CTNNA2: variants seen among roughly 807,000 people sequenced by gnomAD.
CTNNA2 encodes the protein catenin alpha-2.
A neutral mutation model predicts 101.0 loss-of-function variants in CTNNA2; 42 were observed. The ratio of observed to expected loss-of-function variants is 0.42; its 90% confidence interval spans 0.32 to 0.54. The LOEUF is 0.54. Among genes scored for constraint, CTNNA2 ranks in the 20% least tolerant of loss-of-function variants. The probability of loss-of-function intolerance (pLI) is 0.14; values close to 1 mark genes in which losing one functional copy is unlikely to be tolerated. For missense variants in CTNNA2, 871 were observed against 1,223.1 expected (o/e 0.71, Z 4.29); for synonymous variants, 450 against 456.4 (o/e 0.99, Z 0.18).
intron 9 of CTNNA2, among the ~76,000 whole-genome samples, chr2:80,510,722 T>C (rs1294546193): frequency 6.6e-6 from 1 of 152,236 alleles, no homozygotes; most frequent in Non-Finnish European, 1.5e-5. Flanking sequence ...TGAAAAGGTA[T>C]AACTTTTAGG....
At position 79,351,827 on chromosome 2, in the gene CTNNA2, G is replaced by A. The variant is rs143148062; in HGVS notation, c.-317-22004G>A. Among the ~76,000 whole-genome samples, 239 of 152,082 alleles carry A rather than the reference G, an allele frequency of 1.6e-3. 1 individual carries two copies. Among genetic ancestry groups the A allele is most frequent in the African/African-American group, 5.3e-3 (221 of 41,506 alleles). ...TATATGTACCACATTTTCTTTATCCGATCCACCATTGATGAACATCGTATT... is the reference window on the plus strand; with the variant it reads ...TATATGTACCACATTTTCTTTATCCAATCCACCATTGATGAACATCGTATT... On this transcript the variant is annotated intron_variant, in intron 3 of 21. Transcript: ENST00000466387.
At chr2:80,107,916 T>C (rs1319463) in intron 7 of CTNNA2, among the ~76,000 whole-genome samples, 66,154 of 151,916 alleles carry the variant, frequency 0.44, 15,039 homozygotes, top group South Asian at 0.62. Flanking sequence ...CCACAAGAGG[T>C]TGAGTGGGGC....
At chr2:80,488,301 G>A (rs1187960698) in intron 9 of CTNNA2, among the ~76,000 whole-genome samples, 1 of 151,902 alleles carries the variant, frequency 6.6e-6, no homozygotes, top group Non-Finnish European at 1.5e-5. Context: ...TTTTTTGTTT[G>A]GTTATATTTA....
chr2:79,804,391 G>A (rs1017220920), intron 3 of CTNNA2, among the ~76,000 whole-genome samples: 1 of 152,034 alleles, frequency 6.6e-6, no homozygotes, highest in East Asian at 1.9e-4. Flanking sequence ...TATTATGTTT[G>A]CACCCTGGCT....
chr2:79,966,251 TG>T (rs1477411033), intron 7 of CTNNA2, among the ~76,000 whole-genome samples: 1 of 152,102 alleles, frequency 6.6e-6, no homozygotes. Context: ...GAATCTTTTT[TG>T]GGGGACAGGG....
At chr2:79,265,692 A>T (rs1674978401) in intron 2 of CTNNA2, among the ~76,000 whole-genome samples, 1 of 152,144 alleles carries the variant, frequency 6.6e-6, no homozygotes, top group African/African-American at 2.4e-5. Context: ...ATATGACCCC[A>T]TAGGCAGAGG....
intron 7 of CTNNA2, among the ~76,000 whole-genome samples, chr2:80,335,664 C>G (rs11688360): frequency 0.075 from 11,443 of 152,184 alleles, 434 homozygotes; most frequent in Non-Finnish European, 0.089. Flanking sequence ...GGAGAGATGA[C>G]ACAATCAGAA....
At chr2:79,885,205 C>A (rs780411717) in intron 6 of CTNNA2, among the ~76,000 whole-genome samples, 2 of 151,778 alleles carry the variant, frequency 1.3e-5, no homozygotes, top group African/African-American at 2.4e-5. Flanking sequence ...GAGAACGAAA[C>A]GCTGTATAGG....
At chr2:80,224,487 C>T (rs1214049375) in intron 7 of CTNNA2, among the ~76,000 whole-genome samples, 1 of 152,058 alleles carries the variant, frequency 6.6e-6, no homozygotes, top group African/African-American at 2.4e-5. Context: ...CTCTGTCGCC[C>T]AAGCTGGAGT....
intron 7 of CTNNA2, among the ~76,000 whole-genome samples, chr2:80,131,773 T>C (rs960014814): frequency 6.6e-6 from 1 of 152,112 alleles, no homozygotes; most frequent in Non-Finnish European, 1.5e-5. Context: ...CTAACAGGTG[T>C]CTTGTGTAGG....
At chr2:80,241,765 C>T (rs1670962361) in intron 7 of CTNNA2, among the ~76,000 whole-genome samples, 1 of 151,950 alleles carries the variant, frequency 6.6e-6, no homozygotes, top group African/African-American at 2.4e-5. Context: ...GAAGTCAGTC[C>T]CAAGCACTGA....
intron 4 of CTNNA2, among the ~76,000 whole-genome samples, chr2:79,416,926 T>C (rs1009199412): frequency 6.6e-6 from 1 of 152,152 alleles, no homozygotes; most frequent in Non-Finnish European, 1.5e-5. Flanking sequence ...AATTATCTCA[T>C]GGCACATTAG....
At chr2:79,545,712 G>C (rs938722885) in intron 1 of CTNNA2, among the ~76,000 whole-genome samples, 1 of 152,114 alleles carries the variant, frequency 6.6e-6, no homozygotes. Context: ...TTCCCAGGTT[G>C]ATAACTCTCG....
At chr2:79,838,828 CAT>C (rs1679583471) in intron 3 of CTNNA2, among the ~76,000 whole-genome samples, 1 of 151,728 alleles carries the variant, frequency 6.6e-6, no homozygotes, top group Admixed American at 6.6e-5. Flanking sequence ...AACAGTGCCA[CAT>C]GATATTATGT....
intron 3 of CTNNA2, among the ~76,000 whole-genome samples, chr2:79,769,077 G>T (rs553071012): frequency 6.6e-6 from 1 of 152,042 alleles, no homozygotes. Flanking sequence ...GGATGGTCTC[G>T]ATCTCCTGAC....
At chr2:80,200,519 A>AGTTT (rs112399723) in intron 7 of CTNNA2, among the ~76,000 whole-genome samples, 6,426 of 151,052 alleles carry the variant, frequency 0.043, 302 homozygotes, top group African/African-American at 0.11. Flanking sequence ...TATTAAAGTG[A>AGTTT]GTTTGTTTGT....
intron 2 of CTNNA2, among the ~76,000 whole-genome samples, chr2:79,693,081 CATAATT>C (rs1211295115): frequency 6.6e-6 from 1 of 151,402 alleles, no homozygotes; most frequent in African/African-American, 2.4e-5. Context: ...TTAGACATGC[CATAATT>C]ATAAAGATGC....
At chr2:80,365,869 C>G (rs967454330) in intron 7 of CTNNA2, among the ~76,000 whole-genome samples, 22 of 152,256 alleles carry the variant, frequency 1.4e-4, no homozygotes, top group African/African-American at 4.1e-4. Context: ...TTCAATGAAT[C>G]AGAGGAGAAG....
intron 4 of CTNNA2, among the ~76,000 whole-genome samples, chr2:79,390,702 CCTATTTGGT>C (rs1409337446): frequency 6.6e-6 from 1 of 152,148 alleles, no homozygotes; most frequent in Non-Finnish European, 1.5e-5. Flanking sequence ...AGGAATGATA[CCTATTTGGT>C]CTATCTTCCA....
Sources: allele counts gnomAD v4.1 joint callset (sites outside exome capture counted in the v4.1 genomes callset), GRCh38; gene constraint gnomAD v4.1.1; transcripts MANE v1.5; gene names NCBI Gene and HGNC (gene_info 2026-07-23, HGNC 2026-07-21).